The following CYSTM1 variants were observed in gnomAD, a reference collection of about 807,000 sequenced individuals.
CYSTM1 encodes the protein cysteine-rich transmembrane module-containing protein 1.
CYSTM1 carries 4 observed loss-of-function variants against 13.1 expected under a neutral mutation model. The ratio of observed to expected loss-of-function variants is 0.31; its 90% confidence interval spans 0.15 to 0.70. The LOEUF (loss-of-function observed/expected upper bound fraction) is 0.70. Ranked by LOEUF, CYSTM1 falls within the 30% of genes least tolerant of loss-of-function variation. The pLI, the probability that CYSTM1 is intolerant of heterozygous loss-of-function variation, is 0.72. For synonymous variants in CYSTM1, 36 were observed against 42.7 expected (o/e 0.84, Z 0.62); for missense variants, 96 against 121.6 (o/e 0.79, Z 0.99).
chr5:140,228,594 C>A (rs1402270049), intron 2 of CYSTM1: 3 of 394,966 alleles, frequency 7.6e-6, no homozygotes, highest in Non-Finnish European at 1.3e-5. Flanking sequence ...TTGGCCCCTG[C>A]CCTGCCCTTG....
At chr5:140,189,322 C>T (rs914785870) in intron 1 of CYSTM1, among the ~76,000 whole-genome samples, 1 of 151,200 alleles carries the variant, frequency 6.6e-6, no homozygotes, top group Admixed American at 6.6e-5. Context: ...GATCTCCCCC[C>T]ACTCTCTTGC....
intron 2 of CYSTM1, chr5:140,200,418 A>G (rs1764211595): frequency 6.6e-6 from 1 of 152,144 alleles, no homozygotes. Context: ...TTTGTCAAAG[A>G]TCAAGTGGTT....
At chr5:140,197,846 G>A (rs531333293) in intron 2 of CYSTM1, among the ~76,000 whole-genome samples, 37 of 152,234 alleles carry the variant, frequency 2.4e-4, no homozygotes, top group African/African-American at 4.6e-4. Context: ...CTTAATTGGC[G>A]TCTGGTAATT....
At position 140,237,216 on chromosome 5, in the gene CYSTM1, C is replaced by T. The variant is rs866136278; in HGVS notation, c.188-6089C>T. On this transcript the variant is annotated intron_variant, in intron 2 of 2. Coordinates refer to ENST00000261811, the MANE Select transcript of CYSTM1 (RefSeq NM_032412.4). ...TCTGAGGCGATGGGCCCTGACTCTC[C>T]TTGGGACACTCTGAACAAGGAGAAA... is the stretch of plus-strand genomic sequence containing the variant. 5.0e-4 allele frequency among the ~76,000 whole-genome samples: 76 copies of T among 152,316 alleles called. No homozygotes were observed. In the Middle Eastern group the frequency reaches 0.014, roughly 27 times the overall value.
intron 2 of CYSTM1, among the ~76,000 whole-genome samples, chr5:140,243,042 G>A (rs1353795194): frequency 6.6e-6 from 1 of 152,220 alleles, no homozygotes; most frequent in Non-Finnish European, 1.5e-5. Flanking sequence ...GGTTGCCTTG[G>A]CATGGGGCCA....
chr5:140,188,350 G>A (rs1764048293), intron 1 of CYSTM1, among the ~76,000 whole-genome samples: 1 of 152,092 alleles, frequency 6.6e-6, no homozygotes, highest in African/African-American at 2.4e-5. Context: ...AGCCTCCCAA[G>A]TCACTGACAT....
intron 1 of CYSTM1, among the ~76,000 whole-genome samples, chr5:140,189,655 C>T (rs976988726): frequency 6.6e-6 from 1 of 152,080 alleles, no homozygotes; most frequent in African/African-American, 2.4e-5. Context: ...TCATTTTCTA[C>T]TGTGAAAATA....
At chr5:140,232,942 G>GTCCA (rs1043436347) in intron 2 of CYSTM1, among the ~76,000 whole-genome samples, 3 of 152,168 alleles carry the variant, frequency 2.0e-5, no homozygotes, top group African/African-American at 7.2e-5. Context: ...CTGCTGGAGG[G>GTCCA]TCCAGCACAT....
intron 2 of CYSTM1, chr5:140,200,705 T>G (rs1249839371): frequency 2.6e-5 from 4 of 152,054 alleles, no homozygotes; most frequent in Non-Finnish European, 5.9e-5. Flanking sequence ...GGACTACAGA[T>G]GCCTGCCACC....
chr5:140,210,519 CT>C (rs5871729), intron 2 of CYSTM1, among the ~76,000 whole-genome samples: 71,440 of 147,808 alleles, frequency 0.48, 17,124 homozygotes, highest in South Asian at 0.71. Context: ...TATTTTTCTT[CT>C]TTTTTTTTTT....
At chr5:140,216,772 T>C (rs1477371897) in intron 2 of CYSTM1, among the ~76,000 whole-genome samples, 3 of 152,084 alleles carry the variant, frequency 2.0e-5, no homozygotes, top group Non-Finnish European at 2.9e-5. Flanking sequence ...CAAGGGTGCC[T>C]TGTGTAGCCA....
intron 2 of CYSTM1, among the ~76,000 whole-genome samples, chr5:140,231,554 A>G (rs530535706): frequency 6.6e-6 from 1 of 152,278 alleles, no homozygotes; most frequent in Non-Finnish European, 1.5e-5. Context: ...CCCACAGGTA[A>G]TAATTGACAT....
intron 2 of CYSTM1, among the ~76,000 whole-genome samples, chr5:140,207,237 C>A (rs1764309821): frequency 6.6e-6 from 1 of 152,148 alleles, no homozygotes; most frequent in African/African-American, 2.4e-5. Flanking sequence ...TTCTCTGGCC[C>A]CTCAACTAGA....
At chr5:140,220,458 T>G (rs1764476036) in intron 2 of CYSTM1, among the ~76,000 whole-genome samples, 1 of 152,162 alleles carries the variant, frequency 6.6e-6, no homozygotes, top group African/African-American at 2.4e-5. Flanking sequence ...TCACCTTAAC[T>G]CATTGAAAGG....
At chr5:140,226,586 T>TTATATATATATATATA (rs549334525) in intron 2 of CYSTM1, among the ~76,000 whole-genome samples, 50 of 75,244 alleles carry the variant, frequency 6.6e-4, no homozygotes, top group South Asian at 1.1e-3. Context: ...ATACTAAATA[T>TTATATATATATATATA]TATATATATA....
At chr5:140,241,276 C>T (rs1312130657) in intron 2 of CYSTM1, among the ~76,000 whole-genome samples, 3 of 152,202 alleles carry the variant, frequency 2.0e-5, no homozygotes, top group South Asian at 2.1e-4. Flanking sequence ...GCATGGCCAC[C>T]GCCTCAGCCC....
chr5:140,187,420 C>A (rs574115307), intron 1 of CYSTM1, among the ~76,000 whole-genome samples: 27 of 152,072 alleles, frequency 1.8e-4, no homozygotes, highest in African/African-American at 6.3e-4. Flanking sequence ...GCTTGAGTGC[C>A]GTGGTGTGAT....
intron 1 of CYSTM1, among the ~76,000 whole-genome samples, chr5:140,191,599 C>T (rs1764096321): frequency 6.6e-6 from 1 of 152,144 alleles, no homozygotes; most frequent in Non-Finnish European, 1.5e-5. Flanking sequence ...GTTCTTTTTT[C>T]TCCTCACTGC....
chr5:140,188,290 C>A (rs937998168), intron 1 of CYSTM1, among the ~76,000 whole-genome samples: 1 of 151,640 alleles, frequency 6.6e-6, no homozygotes, highest in Non-Finnish European at 1.5e-5. Flanking sequence ...ACTATGTTAC[C>A]CTAACCAGGC....
Sources: gnomAD v4.1 joint callset for allele counts (sites outside exome capture counted in the v4.1 genomes callset) on GRCh38, gnomAD v4.1.1 for gene constraint, MANE v1.5 for transcripts, NCBI Gene and HGNC (gene_info 2026-07-23, HGNC 2026-07-21) for gene names.